ALDH4A1: variants seen among roughly 807,000 people sequenced by gnomAD.
ALDH4A1 encodes the protein aldehyde dehydrogenase 4 family member A1.
In ALDH4A1, 46 loss-of-function variants were observed where a neutral mutation model predicts 70.5. That is an observed-to-expected ratio of 0.65 (90% CI 0.51 to 0.83). The LOEUF is 0.83. Among genes scored for constraint, ALDH4A1 ranks in the 40% least tolerant of loss-of-function variants. The pLI, the probability that ALDH4A1 is intolerant of heterozygous loss-of-function variation, is 0.00. For synonymous variants in ALDH4A1, 323 were observed against 324.3 expected (o/e 1.00, Z 0.04); for missense variants, 749 against 766.5 (o/e 0.98, Z 0.27).
At chr1:18,890,570 C>G (rs1935396627) in intron 1 of ALDH4A1, 2 of 585,582 alleles carry the variant, frequency 3.4e-6, no homozygotes, top group African/African-American at 4.1e-5. Flanking sequence ...AAAAACCCAC[C>G]TTGGGGGTCC....
chr1:18,877,631 G>T lies in ALDH4A1; in HGVS notation c.941-19C>A. ...CCGCACTCTACAGGGGTCGGGGGTG[G>T]GGAAATGACCAGAGGAGCTGGCTCC... is the stretch of plus-strand genomic sequence containing the variant. On this transcript the variant is annotated intron_variant, in intron 9 of 14. Transcript: ENST00000375341. 2.8e-5 allele frequency: 19 copies of T among 684,306 alleles called. No individual in the cohort carries two copies. Among genetic ancestry groups the T allele is most frequent in the South Asian group, 4.1e-5 (3 of 72,554 alleles). The allele number at this position is 684,306 out of a possible 1,614,324, so 42.4% of individuals were successfully genotyped here. A position where few individuals can be genotyped will look rare whatever the true frequency, so the allele number is the denominator to read the frequency against.
At chr1:18,895,242 T>A (rs1935578221) in intron 1 of ALDH4A1, among the ~76,000 whole-genome samples, 1 of 152,168 alleles carries the variant, frequency 6.6e-6, no homozygotes, top group African/African-American at 2.4e-5. Flanking sequence ...CAAGACAGAG[T>A]CTGAATCTGA....
Position 18,880,966 on chromosome 1 carries a change from T to C in ALDH4A1, c.866+734A>G, listed in dbSNP as rs1252983494. ...CCTTTGCAGACTCCTAAGTATCTTA[T>C]GGTCACTGAACCACTCCCTGCCGCC... On this transcript the variant is annotated intron_variant, in intron 8 of 14. Coordinates refer to ENST00000375341, the MANE Select transcript of ALDH4A1 (RefSeq NM_003748.4). The surrounding 1 kb of genome is among the most constrained non-coding windows in gnomAD (Gnocchi z 5.1). 2.0e-5 allele frequency among the ~76,000 whole-genome samples: 3 copies of C among 152,134 alleles called. No individual in the cohort carries two copies. Among genetic ancestry groups the C allele is most frequent in the Admixed American group, 1.3e-4 (2 of 15,280 alleles).
chr1:18,879,823 G>A (rs917095457), intron 8 of ALDH4A1, among the ~76,000 whole-genome samples: 2 of 152,176 alleles, frequency 1.3e-5, no homozygotes, highest in African/African-American at 2.4e-5. Flanking sequence ...CAGCGCCCAG[G>A]CCTGAGAGGC....
At chr1:18,882,277 C>A (rs894830011) in intron 7 of ALDH4A1, among the ~76,000 whole-genome samples, 2 of 152,204 alleles carry the variant, frequency 1.3e-5, no homozygotes, top group African/African-American at 4.8e-5. Context: ...CAGCCAGGCA[C>A]GTGGGCGCCT....
rs767652523 is a variant in ALDH4A1, at chr1:18,877,559, C to G, written c.994G>C (p.Val332Leu). 1 of 1,612,046 alleles carries G rather than the reference C, an allele frequency of 6.2e-7. No individual in the cohort carries two copies. ...FVHRSADVES[V>L]VSGTLRSAFE... ...GCTGAGCGGAGGGTCCCGCTCACCA[C>G]GCTCTCCACGTCGGCCGAGCGGTGC... is the stretch of plus-strand genomic sequence containing the variant. Residue 332 changes from valine to leucine, a missense_variant, in exon 10 of 15, where the codon GTG (valine) becomes CTG (leucine). Val to Leu is a conservative substitution (Grantham distance 32, BLOSUM62 1). Coordinates refer to ENST00000375341, the MANE Select transcript of ALDH4A1 (RefSeq NM_003748.4).
intron 5 of ALDH4A1, 32 bp downstream of exon 5, chr1:18,885,441 G>GGCCCCCCCCCCCCCC: frequency 2.4e-6 from 1 of 423,746 alleles, no homozygotes; most frequent in Non-Finnish European, 3.8e-6. Context: ...ACCCCACCCC[G>GGCCCCCCCCCCCCCC]CCCCACCCAC....
chr1:18,875,720 G>A (rs764777963), intron 12 of ALDH4A1, among the ~76,000 whole-genome samples: 7 of 152,104 alleles, frequency 4.6e-5, no homozygotes, highest in South Asian at 2.1e-4. Context: ...ACCACAAGCC[G>A]GCAAAAGATG....
chr1:18,872,767 G>T lies in ALDH4A1; in HGVS notation c.*78C>A. ...CAGCTGTGCATGAAGAAGGGGTGGA[G>T]GGGCTGGAGTGGGGTCTGTGCAGTG... is the stretch of plus-strand genomic sequence containing the variant. On this transcript the variant is annotated 3_prime_UTR_variant, in exon 15 of 15. Transcript: ENST00000375341. 9.4e-7 allele frequency: 1 copy of T among 1,062,640 alleles called. No individual in the cohort carries two copies. The highest frequency in any genetic ancestry group is 1.3e-5 in the South Asian group (1 of 75,104). The allele number at this position is 1,062,640 out of a possible 1,614,324, so 65.8% of individuals were successfully genotyped here. A position where few individuals can be genotyped will look rare whatever the true frequency, so the allele number is the denominator to read the frequency against.
In ALDH4A1 at chr1:18,880,149, G is replaced by A. The variant is rs970415911; in HGVS notation, c.867-776C>T. Among the ~76,000 whole-genome samples the A allele has an allele frequency of 1.1e-4, 16 of 152,092 alleles. No homozygotes were observed. The highest frequency in any genetic ancestry group is 2.2e-4 in the Non-Finnish European group (15 of 68,014). ...AACGGCCCTTCTCAGCAGTTCTAAC[G>A]CTGCCACCACCCACTCCCACCCCCA... On this transcript the variant is annotated intron_variant, in intron 8 of 14. Transcript: ENST00000375341. This position sits in a 1 kb window ranked among gnomAD's most constrained non-coding sequence, Gnocchi z 5.1.
intron 1 of ALDH4A1, among the ~76,000 whole-genome samples, chr1:18,897,728 T>C (rs1392431204): frequency 6.6e-6 from 1 of 152,162 alleles, no homozygotes; most frequent in Admixed American, 6.5e-5. Flanking sequence ...AGACTTACAG[T>C]ATGGCTGAAG....
chr1:18,884,224 G>A (rs561913217), intron 5 of ALDH4A1, among the ~76,000 whole-genome samples: 9 of 152,178 alleles, frequency 5.9e-5, no homozygotes, highest in Non-Finnish European at 1.2e-4. Context: ...CCAGGAACAC[G>A]CAGAGCTGAC....
rs192342546 is a variant in ALDH4A1, at chr1:18,887,416, G to A, written c.250-905C>T. Among the ~76,000 whole-genome samples the A allele has an allele frequency of 2.0e-4, 31 of 152,352 alleles. No individual in the cohort carries two copies. The East Asian group carries it at 3.1e-3, about 15-fold the overall frequency. On this transcript the variant is annotated intron_variant, in intron 3 of 14. Coordinates refer to ENST00000375341, the MANE Select transcript of ALDH4A1 (RefSeq NM_003748.4). Reference sequence around the variant, plus strand: ...AGATCGAGACCATCCTGGCTAACATGGTGAAACCCTCTCTCTACTAAAAAT... The same window carrying A: ...AGATCGAGACCATCCTGGCTAACATAGTGAAACCCTCTCTCTACTAAAAAT...
At position 18,890,871 on chromosome 1, in the gene ALDH4A1, C is replaced by T. The variant is rs560726721; in HGVS notation, c.63-766G>A. The T allele has an allele frequency of 1.5e-4, 152 of 985,476 alleles. No homozygotes were observed. In the African/African-American group the frequency reaches 2.3e-3, roughly 15 times the overall value. 61.0% of individuals were successfully genotyped at this position (985,476 alleles called of 1,614,324 possible). A position where few individuals can be genotyped will look rare whatever the true frequency, so the allele number is the denominator to read the frequency against. ...CAGAACACAGTCTCAGAATGTGAAC[C>T]AGCTGAGATCCCCTTGGCACAAAGG... is the stretch of plus-strand genomic sequence containing the variant. On this transcript the variant is annotated intron_variant, in intron 1 of 14. Coordinates refer to ENST00000375341, the MANE Select transcript of ALDH4A1 (RefSeq NM_003748.4).
Position 18,880,400 on chromosome 1 carries a change from A to T in ALDH4A1, c.867-1027T>A, listed in dbSNP as rs1934924019. Among the ~76,000 whole-genome samples, 1 of 151,256 alleles carries T rather than the reference A, an allele frequency of 6.6e-6. No homozygotes were observed. Among genetic ancestry groups the T allele is most frequent in the Admixed American group, 6.6e-5 (1 of 15,180 alleles). ...CCCCCTCATCCCCACACGCACCCCA[A>T]CCCCAACTCCAGGACAGGCAATGGC... On this transcript the variant is annotated intron_variant, in intron 8 of 14. Transcript: ENST00000375341. This position sits in a 1 kb window ranked among gnomAD's most constrained non-coding sequence, Gnocchi z 5.1.
In ALDH4A1 at chr1:18,874,501, A is replaced by G; in HGVS notation, c.1541T>C (p.Ile514Thr). The stretch of plus-strand genomic sequence containing the variant: ...CCCCCCAAAGGGCTGCTGGCCCACT[A>G]TCGAGCCAGTGGACTTGTCGTTGAT... ...FYINDKSTGS[I>T]VGQQPFGGAR... The change falls in exon 14 of 15, where the codon ATA becomes ACA. Residue 514 changes from isoleucine (I) to threonine (T), a missense_variant. Physicochemically the swap from Ile to Thr is moderately conservative, Grantham distance 89. Transcript: ENST00000375341. 1.9e-6 allele frequency: 3 copies of G among 1,614,134 alleles called. No homozygotes were observed. Among genetic ancestry groups the G allele is most frequent in the South Asian group, 1.1e-5 (1 of 91,090 alleles).
intron 5 of ALDH4A1, 33 bp downstream of exon 5, chr1:18,885,440 C>CCCCCCCCCCCCCCCCCCCCCCCCCCCCCA: frequency 1.5e-6 from 1 of 665,764 alleles, no homozygotes. Context: ...CACCCCACCC[C>CCCCCCCCCCCCCCCCCCCCCCCCCCCCCA]GCCCCACCCA....
chr1:18,883,122 A>G lies in ALDH4A1; in HGVS notation c.678+2T>C. The G allele has an allele frequency of 6.2e-7, 1 of 1,613,032 alleles. No homozygotes were observed. Among genetic ancestry groups the G allele is most frequent in the Non-Finnish European group, 8.5e-7 (1 of 1,180,006 alleles). On this transcript the variant is annotated splice_donor_variant, in intron 7 of 14. Coordinates refer to ENST00000375341, the MANE Select transcript of ALDH4A1 (RefSeq NM_003748.4). LOFTEE classifies it high-confidence loss of function. Reference sequence around the variant, plus strand: ...GCTGTCCCACCTGTGCCCACATCTCACCATCAGGGCCGGTGCCCCCGCCAG... The same window carrying G: ...GCTGTCCCACCTGTGCCCACATCTCGCCATCAGGGCCGGTGCCCCCGCCAG...
chr1:18,896,228 C>A (rs1359814742), intron 1 of ALDH4A1, among the ~76,000 whole-genome samples: 1 of 152,124 alleles, frequency 6.6e-6, no homozygotes, highest in Non-Finnish European at 1.5e-5. Context: ...CCAGCCCGTA[C>A]CCATCCCATT....
Sources: allele counts gnomAD v4.1 joint callset (sites outside exome capture counted in the v4.1 genomes callset), GRCh38; gene constraint gnomAD v4.1.1; non-coding constraint Gnocchi (gnomAD v3.1); transcripts MANE v1.5; gene names NCBI Gene and HGNC (gene_info 2026-07-23, HGNC 2026-07-21).